ACOT11: variants seen among roughly 807,000 people sequenced by gnomAD.
The protein encoded by ACOT11 is acyl-coenzyme A thioesterase 11.
A neutral mutation model predicts 77.5 loss-of-function variants in ACOT11; 69 were observed. The observed-to-expected ratio is 0.89, with a 90% CI of 0.73 to 1.09. ACOT11 has a LOEUF of 1.09. Ranked by LOEUF, ACOT11 falls within the 50% of genes least tolerant of loss-of-function variation. The probability of loss-of-function intolerance (pLI) is 0.00; values close to 1 mark genes in which losing one functional copy is unlikely to be tolerated. For synonymous variants in ACOT11, 279 were observed against 313.0 expected, an observed-to-expected ratio of 0.89 and a Z score of 1.15; for missense variants, 766 against 813.7, an observed-to-expected ratio of 0.94 and a Z score of 0.71.
In ACOT11 at chr1:54,601,540, G is replaced by A. The variant is rs952617410; in HGVS notation, c.1029+127G>A. ...AGGGGCCCACCCTACCCCCGTGCTGGGGCACAGCCAGCTGAGTGTCCTGGC... is the reference window on the plus strand; with the variant it reads ...AGGGGCCCACCCTACCCCCGTGCTGAGGCACAGCCAGCTGAGTGTCCTGGC... On this transcript the variant is annotated intron_variant, in intron 9 of 15. Coordinates refer to ENST00000343744, the MANE Select transcript of ACOT11 (RefSeq NM_147161.4). 11 of 1,390,282 alleles carry A rather than the reference G, an allele frequency of 7.9e-6. No individual in the cohort carries two copies. The South Asian group carries it at 1.6e-4, about 20-fold the overall frequency. 86.1% of individuals were successfully genotyped at this position (1,390,282 alleles called of 1,614,324 possible).
intron 6 of ACOT11, among the ~76,000 whole-genome samples, chr1:54,596,159 C>G (rs1654890363): frequency 6.6e-6 from 1 of 152,050 alleles, no homozygotes; most frequent in East Asian, 1.9e-4. Context: ...GGTACTGTCT[C>G]TTGACCTGCT....
rs1653652949 is a variant in ACOT11 at position 54,564,171 on chromosome 1, T to C, written c.33+15829T>C. 2.0e-5 allele frequency among the ~76,000 whole-genome samples: 3 copies of C among 151,322 alleles called. 1 individual carries two copies. In the South Asian group the frequency reaches 6.3e-4, roughly 32 times the overall value. On this transcript the variant is annotated intron_variant, in intron 1 of 15. Coordinates refer to ENST00000343744, the MANE Select transcript of ACOT11 (RefSeq NM_147161.4). ...GGGAGGATTGCTTGAGCCTGGGACG[T>C]AGAGGCTGCAGTGAGCCATGATGGC...
chr1:54,628,596 C>G (rs1411580515), intron 15 of ACOT11, among the ~76,000 whole-genome samples: 2 of 115,316 alleles, frequency 1.7e-5, no homozygotes, highest in Non-Finnish European at 3.8e-5. Flanking sequence ...CCCCATCGCC[C>G]CCCCCCCCCA....
Position 54,631,003 on chromosome 1 carries a change from G to A in ACOT11, c.1782+117G>A, listed in dbSNP as rs112012233. On this transcript the variant is annotated intron_variant, in intron 16 of 16. Coordinates refer to the ACOT11 transcript ENST00000371316. ...TAACGAGGAGGAACAACAGTATAGCGAAGTAACAGAAGAGGTTACAGAGCA... is the reference window on the plus strand; with the variant it reads ...TAACGAGGAGGAACAACAGTATAGCAAAGTAACAGAAGAGGTTACAGAGCA... 7.8e-3 allele frequency: 3,765 copies of A among 481,628 alleles called. 121 individuals are homozygous for A. The highest frequency in any genetic ancestry group is 0.067 in the African/African-American group (3,379 of 50,386). 29.8% of individuals were successfully genotyped at this position (481,628 alleles called of 1,614,324 possible).
In ACOT11 at chr1:54,607,836, G is replaced by C; in HGVS notation, c.1503-106G>C. ...ATGTGCCTTGCATCCCCCTGGTGAG[G>C]AATCTGTGCTAGAGGGGGCAGGGTC... On this transcript the variant is annotated intron_variant, in intron 14 of 15. Transcript: ENST00000343744. This position sits in a 1 kb window ranked among gnomAD's most constrained non-coding sequence, Gnocchi z 4.5. The C allele has an allele frequency of 7.0e-7, 1 of 1,438,234 alleles. No individual in the cohort carries two copies. The highest frequency in any genetic ancestry group is 9.5e-7 in the Non-Finnish European group (1 of 1,052,756). 89.1% of individuals were successfully genotyped at this position (1,438,234 alleles called of 1,614,324 possible). A position where few individuals can be genotyped will look rare whatever the true frequency, so the allele number is the denominator to read the frequency against.
intron 15 of ACOT11, among the ~76,000 whole-genome samples, chr1:54,608,376 TTA>T (rs1241375877): frequency 2.0e-5 from 3 of 152,076 alleles, no homozygotes; most frequent in Non-Finnish European, 4.4e-5. Context: ...TAGGAAGGCT[TTA>T]TATGACTCTG....
At chr1:54,621,300 T>C (rs1290829795) in intron 15 of ACOT11, among the ~76,000 whole-genome samples, 2 of 151,474 alleles carry the variant, frequency 1.3e-5, no homozygotes, top group Non-Finnish European at 2.9e-5. Flanking sequence ...CTACTAAAAA[T>C]AGAAAAATTA....
chr1:54,570,152 C>G (rs1016006115), intron 1 of ACOT11, among the ~76,000 whole-genome samples: 7 of 152,178 alleles, frequency 4.6e-5, no homozygotes, highest in Non-Finnish European at 8.8e-5. Flanking sequence ...CATGAGGTGT[C>G]TTGAGCCTCT....
At chr1:54,561,080 TTA>T (rs1491015262) in intron 1 of ACOT11, among the ~76,000 whole-genome samples, 6 of 22,490 alleles carry the variant, frequency 2.7e-4, no homozygotes, top group Non-Finnish European at 3.0e-4. Context: ...GGCTGATTTT[TTA>T]TTTTTTTTAT....
chr1:54,619,772 A>G, intron 15 of ACOT11: 1 of 1,354,068 alleles, frequency 7.4e-7, no homozygotes, highest in Admixed American at 1.8e-5. Context: ...CCATCATGCC[A>G]CCACAGTGAC....
At chr1:54,569,007 A>T (rs1653838991) in intron 1 of ACOT11, among the ~76,000 whole-genome samples, 1 of 151,684 alleles carries the variant, frequency 6.6e-6, no homozygotes, top group African/African-American at 2.4e-5. Flanking sequence ...GCAACTTGGG[A>T]TGCTGAGGTG....
intron 1 of ACOT11, among the ~76,000 whole-genome samples, chr1:54,575,460 T>G (rs1184927020): frequency 6.6e-6 from 1 of 151,830 alleles, no homozygotes; most frequent in Non-Finnish European, 1.5e-5. Context: ...TAGAATGGGG[T>G]GAGGGGGCAG....
intron 1 of ACOT11, among the ~76,000 whole-genome samples, chr1:54,564,727 G>A (rs1172382081): frequency 6.6e-6 from 1 of 152,204 alleles, no homozygotes; most frequent in African/African-American, 2.4e-5. Flanking sequence ...GTCCGAAGTC[G>A]GAAGACTCTG....
intron 10 of ACOT11, among the ~76,000 whole-genome samples, 181 bp downstream of exon 10, chr1:54,602,905 C>A (rs978206223): frequency 6.6e-6 from 1 of 152,186 alleles, no homozygotes; most frequent in Admixed American, 6.5e-5. Flanking sequence ...CACACGAGGA[C>A]GCTGGGGACA....
At chr1:54,556,308 T>C (rs1029307327) in intron 1 of ACOT11, among the ~76,000 whole-genome samples, 1 of 152,230 alleles carries the variant, frequency 6.6e-6, no homozygotes, top group African/African-American at 2.4e-5. Flanking sequence ...TATTTCGAAA[T>C]CAGGTAGTAC....
Position 54,553,147 on chromosome 1 carries a change from A to G in ACOT11, c.33+4805A>G, listed in dbSNP as rs576819231. Among the ~76,000 whole-genome samples, 4 of 152,068 alleles carry G rather than the reference A, an allele frequency of 2.6e-5. No individual in the cohort carries two copies. The South Asian group carries it at 8.3e-4, about 32-fold the overall frequency. Reference sequence around the variant, plus strand: ...CGGCCAGTGTTCTTAATTTATCTGGAGGACTCTTTTTTTGCTCTCCAAAAT... The same window carrying G: ...CGGCCAGTGTTCTTAATTTATCTGGGGGACTCTTTTTTTGCTCTCCAAAAT... On this transcript the variant is annotated intron_variant, in intron 1 of 15. Coordinates refer to ENST00000343744, the MANE Select transcript of ACOT11 (RefSeq NM_147161.4).
intron 3 of ACOT11, among the ~76,000 whole-genome samples, chr1:54,590,282 G>A (rs1026176619): frequency 1.3e-5 from 2 of 152,098 alleles, no homozygotes; most frequent in Non-Finnish European, 2.9e-5. Flanking sequence ...TGTCTCCTGA[G>A]AGTAAATTGG....
downstream of ACOT11, chr1:54,612,847 A>G (rs1169224624): frequency 4.3e-5 from 28 of 657,224 alleles, no homozygotes; most frequent in Admixed American, 1.4e-4. Flanking sequence ...CCCAAAGGAC[A>G]GAATGGCTTG....
downstream of ACOT11, chr1:54,611,849 T>C: frequency 7.1e-7 from 1 of 1,408,998 alleles, no homozygotes; most frequent in Non-Finnish European, 9.7e-7. Context: ...GGGTAGAGCA[T>C]CTGTCCTCCA....
Sources: allele counts gnomAD v4.1 joint callset (sites outside exome capture counted in the v4.1 genomes callset), GRCh38; gene constraint gnomAD v4.1.1; non-coding constraint Gnocchi (gnomAD v3.1); transcripts MANE v1.5; gene names NCBI Gene and HGNC (gene_info 2026-07-23, HGNC 2026-07-21).